Variants in ANKRD12 observed in about 807,000 individuals in gnomAD.
ANKRD12 encodes the protein ankyrin repeat domain-containing protein 12.
In ANKRD12, 85 loss-of-function variants were observed where a neutral mutation model predicts 183.4. That is an observed-to-expected ratio of 0.46 (90% CI 0.39 to 0.56). The LOEUF is 0.56. Ranked by LOEUF, ANKRD12 falls within the 20% of genes least tolerant of loss-of-function variation. ANKRD12 has a pLI of 0.00. For missense variants in ANKRD12, 2,405 were observed against 2,357.1 expected (o/e 1.02, Z -0.42); for synonymous variants, 914 against 800.2 (o/e 1.14, Z -2.40).
At chr18:9,198,737 A>G (rs1353480143) in intron 3 of ANKRD12, among the ~76,000 whole-genome samples, 4 of 151,868 alleles carry the variant, frequency 2.6e-5, no homozygotes, top group South Asian at 4.1e-4. Context: ...TTTAGTAGAG[A>G]CGGAGTTTCA....
At chr18:9,191,823 T>A (rs1301256253) in intron 2 of ANKRD12, among the ~76,000 whole-genome samples, 1 of 152,106 alleles carries the variant, frequency 6.6e-6, no homozygotes, top group Non-Finnish European at 1.5e-5. Context: ...GCTCTCACAC[T>A]CTGGGCCACT....
chr18:9,160,743 T>G (rs1471299348), intron 1 of ANKRD12, among the ~76,000 whole-genome samples: 1 of 152,226 alleles, frequency 6.6e-6, no homozygotes, highest in Non-Finnish European at 1.5e-5. Flanking sequence ...AAGAACAGCT[T>G]ATTAAATTTG....
intron 10 of ANKRD12, among the ~76,000 whole-genome samples, chr18:9,266,598 A>C (rs1036201105): frequency 4.6e-5 from 7 of 152,230 alleles, no homozygotes; most frequent in East Asian, 1.9e-4. Context: ...GCCTGCCCTA[A>C]AAGAGCTCCT....
At chr18:9,165,871 TC>T (rs1435442881) in intron 1 of ANKRD12, among the ~76,000 whole-genome samples, 15 of 60,076 alleles carry the variant, frequency 2.5e-4, no homozygotes, top group African/African-American at 9.8e-4. Flanking sequence ...CCTCCCCCCC[TC>T]CCCCCACCCC....
intron 1 of ANKRD12, among the ~76,000 whole-genome samples, chr18:9,168,204 G>T (rs1001450908): frequency 6.6e-6 from 1 of 152,160 alleles, no homozygotes; most frequent in Admixed American, 6.5e-5. Flanking sequence ...TCTCTGCCAG[G>T]CTTTGGTATC....
intron 8 of ANKRD12, among the ~76,000 whole-genome samples, chr18:9,245,048 A>C (rs538519966): frequency 1.4e-4 from 22 of 152,302 alleles, no homozygotes; most frequent in African/African-American, 5.1e-4. Context: ...ACTAAAATAT[A>C]GCTTAGGACT....
chr18:9,259,861 TG>T (rs1302854054), intron 9 of ANKRD12: 2 of 152,156 alleles, frequency 1.3e-5, no homozygotes, highest in Non-Finnish European at 2.9e-5. Context: ...CAAGAATAAA[TG>T]TCTCCCCTAC....
chr18:9,261,613 A>T (rs771127789), intron 9 of ANKRD12, among the ~76,000 whole-genome samples: 1 of 152,148 alleles, frequency 6.6e-6, no homozygotes, highest in African/African-American at 2.4e-5. Context: ...TAGAACATCA[A>T]ATTTGACAAA....
At chr18:9,264,434 T>G (rs1459727356) in intron 10 of ANKRD12, among the ~76,000 whole-genome samples, 1 of 152,214 alleles carries the variant, frequency 6.6e-6, no homozygotes, top group Non-Finnish European at 1.5e-5. Flanking sequence ...AAATGTGGTG[T>G]AAACTATGAT....
At position 9,258,075 on chromosome 18, in the gene ANKRD12, A is replaced by G. The variant is rs539395748; in HGVS notation, c.4808A>G (p.His1603Arg). The G allele has an allele frequency of 7.4e-6, 12 of 1,613,364 alleles. No individual in the cohort carries two copies. In the Admixed American group the frequency reaches 1.3e-4, roughly 18 times the overall value. Residue 1603 changes from histidine (H) to arginine (R), a missense_variant, in exon 9 of 13, where the codon CAT (histidine) becomes CGT (arginine). Transcript: ENST00000262126. The stretch of plus-strand genomic sequence containing the variant: ...GATGCCTCTACCCAGCTAAATACAC[A>G]TTATGCATTTAGCAAACTAACTTAC... ...GSDASTQLNT[H>R]YAFSKLTYKS...
intron 1 of ANKRD12, among the ~76,000 whole-genome samples, chr18:9,171,879 G>C (rs1350445386): frequency 1.3e-5 from 2 of 152,054 alleles, no homozygotes; most frequent in Admixed American, 1.3e-4. Flanking sequence ...AATCGGCTGG[G>C]TGTGGTGGCA....
At chr18:9,242,355 T>C (rs1051588435) in intron 8 of ANKRD12, among the ~76,000 whole-genome samples, 1 of 152,124 alleles carries the variant, frequency 6.6e-6, no homozygotes, top group Non-Finnish European at 1.5e-5. Context: ...CACATAATTA[T>C]AGTAGTGAGA....
chr18:9,142,166 C>T (rs926875737), intron 1 of ANKRD12, among the ~76,000 whole-genome samples: 2 of 152,200 alleles, frequency 1.3e-5, no homozygotes, highest in African/African-American at 4.8e-5. Context: ...AGCATTCTGA[C>T]TTCTAATAGA....
intron 4 of ANKRD12, among the ~76,000 whole-genome samples, chr18:9,208,366 A>C (rs2035599828): frequency 6.6e-6 from 1 of 152,200 alleles, no homozygotes; most frequent in Non-Finnish European, 1.5e-5. Flanking sequence ...CAAGGAATTA[A>C]ATTTTACTAG....
At chr18:9,185,935 A>G (rs746021274) in intron 2 of ANKRD12, among the ~76,000 whole-genome samples, 7 of 152,222 alleles carry the variant, frequency 4.6e-5, no homozygotes, top group African/African-American at 7.2e-5. Flanking sequence ...AGAAAGCATT[A>G]TAACTTTTAT....
intron 1 of ANKRD12, among the ~76,000 whole-genome samples, chr18:9,168,930 C>T (rs1041529355): frequency 6.6e-5 from 10 of 151,828 alleles, no homozygotes; most frequent in African/African-American, 2.2e-4. Flanking sequence ...TCTTTGTTCT[C>T]GTTGGTTTCA....
chr18:9,256,506 T>C lies in ANKRD12; in HGVS notation c.3239T>C (p.Phe1080Ser). The C allele has an allele frequency of 6.2e-7, 1 of 1,610,890 alleles. No individual in the cohort carries two copies. Among genetic ancestry groups the C allele is most frequent in the Non-Finnish European group, 8.5e-7 (1 of 1,179,220 alleles). The part of the protein sequence containing the change: ...LVNDDLMQTS[F>S]ERMLSLKDLE... ...AATGATGATTTAATGCAGACAAGTT[T>C]TGAACGAATGCTAAGCCTTAAAGAC... The change falls in exon 9 of 13, where the codon TTT (phenylalanine) becomes TCT (serine). Residue 1080 changes from phenylalanine to serine, a missense_variant. Around this residue, in one of 7 missense-constraint regions of ANKRD12, gnomAD observed 1,983 missense variants for 1,725.9 expected, o/e 1.15. Coordinates refer to ENST00000262126, the MANE Select transcript of ANKRD12 (RefSeq NM_015208.5).
chr18:9,204,408 G>T, intron 3 of ANKRD12, 68 bp from the exon 4 acceptor site: 2 of 1,116,286 alleles, frequency 1.8e-6, no homozygotes, highest in Non-Finnish European at 2.7e-6. Flanking sequence ...GAAAAATGTT[G>T]GTTTGTTGAA....
intron 7 of ANKRD12, among the ~76,000 whole-genome samples, chr18:9,220,957 A>G (rs961250340): frequency 6.6e-6 from 1 of 152,166 alleles, no homozygotes; most frequent in Non-Finnish European, 1.5e-5. Flanking sequence ...CCAATAAGTA[A>G]CAGCTGCAAG....
Sources: gnomAD v4.1 joint callset for allele counts (sites outside exome capture counted in the v4.1 genomes callset) on GRCh38, gnomAD v4.1.1 for gene constraint, gnomAD v4.1.1 regional missense constraint, MANE v1.5 for transcripts, NCBI Gene and HGNC (gene_info 2026-07-23, HGNC 2026-07-21) for gene names.